The following SCN8A variants were observed in gnomAD, a reference collection of about 807,000 sequenced individuals.
SCN8A encodes the protein sodium voltage-gated channel alpha subunit 8.
In SCN8A, 30 loss-of-function variants were observed where a neutral mutation model predicts 184.1. That is an observed-to-expected ratio of 0.16 (90% CI 0.12 to 0.22). SCN8A has a LOEUF of 0.22. Among genes scored for constraint, SCN8A ranks in the 10% least tolerant of loss-of-function variants. SCN8A has a pLI of 1.00. For synonymous variants in SCN8A, 852 were observed against 907.0 expected, an observed-to-expected ratio of 0.94 and a Z score of 1.09; for missense variants, 1,057 against 2,498.9, an observed-to-expected ratio of 0.42 and a Z score of 12.30.
At position 51,686,988 on chromosome 12, in the gene SCN8A, T is replaced by C. The variant is rs1941430403; in HGVS notation, c.486-103T>C. On this transcript the variant is annotated intron_variant, in intron 4 of 26. Coordinates refer to ENST00000627620, the MANE Select transcript of SCN8A (RefSeq NM_001330260.2). ...TGCATTGGCTGTGCCCTTTCTGTTT[T>C]GTCTCTCTTAGTTGAAGCAACACTT... 81 of 1,207,210 alleles carry C rather than the reference T, an allele frequency of 6.7e-5. No homozygotes were observed. The South Asian group carries it at 1.0e-3, about 15-fold the overall frequency. 74.8% of individuals were successfully genotyped at this position (1,207,210 alleles called of 1,614,324 possible). A position where few individuals can be genotyped will look rare whatever the true frequency, so the allele number is the denominator to read the frequency against.
At chr12:51,651,420 G>T (rs1410635545) in intron 1 of SCN8A, among the ~76,000 whole-genome samples, 1 of 152,302 alleles carries the variant, frequency 6.6e-6, no homozygotes, top group East Asian at 1.9e-4. Flanking sequence ...GGCCAGGCTG[G>T]TCTTGAACTC....
In SCN8A at chr12:51,674,936, A is replaced by G. The variant is rs530169908; in HGVS notation, c.277-9238A>G. On this transcript the variant is annotated intron_variant, in intron 2 of 26. Coordinates refer to ENST00000627620, the MANE Select transcript of SCN8A (RefSeq NM_001330260.2). ...AGTGACAGAGCTGGGTATTGAATCC[A>G]GGTCTTTCTGGCCTCAAAGCCTGTA... 2.0e-5 allele frequency among the ~76,000 whole-genome samples: 3 copies of G among 152,332 alleles called. No homozygotes were observed. The South Asian group carries it at 6.2e-4, about 32-fold the overall frequency.
chr12:51,761,845 C>G (rs1173352924), intron 14 of SCN8A, among the ~76,000 whole-genome samples: 1 of 151,350 alleles, frequency 6.6e-6, no homozygotes, highest in African/African-American at 2.4e-5. Context: ...CGTGTAGCAA[C>G]ATGGATAGAC....
At chr12:51,631,732 TC>T (rs1940199985) in intron 1 of SCN8A, among the ~76,000 whole-genome samples, 3 of 152,330 alleles carry the variant, frequency 2.0e-5, no homozygotes, top group Admixed American at 2.0e-4. Context: ...AGATCATACT[TC>T]CAAGCACTTA....
chr12:51,719,712 A>G (rs1300279401), intron 11 of SCN8A, among the ~76,000 whole-genome samples: 2 of 147,546 alleles, frequency 1.4e-5, no homozygotes, highest in African/African-American at 5.0e-5. Context: ...ACATTCAAAT[A>G]AAATTCCCTA....
intron 12 of SCN8A, 80 bp from the exon 13 acceptor site, chr12:51,745,823 G>T (rs547793969): frequency 8.6e-7 from 1 of 1,161,604 alleles, no homozygotes; most frequent in Non-Finnish European, 1.2e-6. Context: ...TCACACACTG[G>T]ACTGTGTATC....
intron 1 of SCN8A, among the ~76,000 whole-genome samples, chr12:51,623,667 G>A (rs1281960791): frequency 2.0e-5 from 3 of 152,108 alleles, no homozygotes; most frequent in Non-Finnish European, 4.4e-5. Context: ...ACAACGTGCA[G>A]GTTAGTTACA....
chr12:51,609,605 CT>C (rs1371951570), intron 1 of SCN8A, among the ~76,000 whole-genome samples: 1 of 152,094 alleles, frequency 6.6e-6, no homozygotes, highest in Non-Finnish European at 1.5e-5. Context: ...ATAGCTACCC[CT>C]AGGCTGGGGG....
intron 2 of SCN8A, among the ~76,000 whole-genome samples, chr12:51,680,104 C>A (rs547243895): frequency 4.5e-4 from 69 of 152,212 alleles, no homozygotes; most frequent in Non-Finnish European, 4.3e-4. Context: ...TATTGTAATA[C>A]AATTTCCTAC....
At chr12:51,753,506 G>A (rs920485736) in intron 14 of SCN8A, among the ~76,000 whole-genome samples, 1 of 152,198 alleles carries the variant, frequency 6.6e-6, no homozygotes, top group Non-Finnish European at 1.5e-5. Flanking sequence ...AGTTGGGTAC[G>A]TGCTGGACCT....
chr12:51,659,075 A>G (rs1466180794), intron 1 of SCN8A, among the ~76,000 whole-genome samples: 1 of 152,234 alleles, frequency 6.6e-6, no homozygotes. Context: ...GCTTAAAACT[A>G]TAAACAACTT....
chr12:51,612,318 C>T (rs1939739111), intron 1 of SCN8A, among the ~76,000 whole-genome samples: 1 of 152,098 alleles, frequency 6.6e-6, no homozygotes, highest in Non-Finnish European at 1.5e-5. Context: ...CATGCCACCA[C>T]ACTTGGCTAA....
chr12:51,654,153 C>T (rs1045508600), intron 1 of SCN8A, among the ~76,000 whole-genome samples: 1 of 152,198 alleles, frequency 6.6e-6, no homozygotes, highest in Admixed American at 6.5e-5. Context: ...CCCTTTCACT[C>T]TCTTGATAGT....
intron 26 of SCN8A, among the ~76,000 whole-genome samples, chr12:51,803,392 T>G (rs1430103868): frequency 1.3e-5 from 2 of 151,848 alleles, no homozygotes; most frequent in African/African-American, 2.4e-5. Flanking sequence ...TGAGGATGGG[T>G]CTTCCTCTGC....
At chr12:51,600,079 T>C (rs1429208580) in intron 1 of SCN8A, among the ~76,000 whole-genome samples, 1 of 152,078 alleles carries the variant, frequency 6.6e-6, no homozygotes, top group East Asian at 1.9e-4. Flanking sequence ...CTGCAGAGGG[T>C]TTTCTTGAGC....
intron 1 of SCN8A, among the ~76,000 whole-genome samples, chr12:51,635,898 C>G (rs1002980781): frequency 3.3e-5 from 5 of 152,096 alleles, no homozygotes; most frequent in African/African-American, 7.3e-5. Context: ...GACTGTATAG[C>G]TTCATAAATT....
Position 51,654,834 on chromosome 12 carries a change from T to C in SCN8A, c.-54-7930T>C, listed in dbSNP as rs150182032. ...GCCTGAGACAAGACCTTAGTGCTAC[T>C]TGCTACCTTTTATTTGATCTTCCTT... On this transcript the variant is annotated intron_variant, in intron 1 of 26. Coordinates refer to ENST00000627620, the MANE Select transcript of SCN8A (RefSeq NM_001330260.2). 4.0e-4 allele frequency among the ~76,000 whole-genome samples: 61 copies of C among 152,266 alleles called. No individual in the cohort carries two copies. The East Asian group carries it at 9.6e-3, about 24-fold the overall frequency.
At chr12:51,615,167 A>G (rs1236382633) in intron 1 of SCN8A, among the ~76,000 whole-genome samples, 1 of 151,688 alleles carries the variant, frequency 6.6e-6, no homozygotes, top group Non-Finnish European at 1.5e-5. Context: ...TTCATTATAT[A>G]GTTATTTTAG....
In SCN8A at chr12:51,699,550, C is replaced by T. The variant is rs541348760; in HGVS notation, c.707-20C>T. On this transcript the variant is annotated intron_variant, in intron 6 of 26. Transcript: ENST00000627620. The stretch of plus-strand genomic sequence containing the variant: ...GAGGGCTTTGAGGTGCCTCTGATTC[C>T]GGGGATTCTGTCTCCTCAGGCCTGA... The T allele has an allele frequency of 2.7e-5, 43 of 1,591,788 alleles. No homozygotes were observed. The highest frequency in any genetic ancestry group is 1.7e-4 in the Middle Eastern group (1 of 5,832).
Sources: gnomAD v4.1 joint callset for allele counts (sites outside exome capture counted in the v4.1 genomes callset) on GRCh38, gnomAD v4.1.1 for gene constraint, MANE v1.5 for transcripts, NCBI Gene and HGNC (gene_info 2026-07-23, HGNC 2026-07-21) for gene names.